The following ZNF277 variants were observed in gnomAD, a reference collection of about 807,000 sequenced individuals.
ZNF277 encodes the protein zinc finger protein 277.
A neutral mutation model predicts 60.7 loss-of-function variants in ZNF277; 55 were observed. The observed-to-expected ratio is 0.91, with a 90% CI of 0.73 to 1.13. ZNF277 has a LOEUF of 1.13. Among genes scored for constraint, ZNF277 ranks in the 50% most tolerant of loss-of-function variants. The pLI is 0.00. For missense variants in ZNF277, 510 were observed against 523.0 expected (o/e 0.98, Z 0.24); for synonymous variants, 178 against 179.3 (o/e 0.99, Z 0.06).
intron 1 of ZNF277, among the ~76,000 whole-genome samples, chr7:112,239,566 G>A (rs747835252): frequency 5.9e-5 from 9 of 152,198 alleles, no homozygotes; most frequent in Non-Finnish European, 1.3e-4. Context: ...GAAAGGTAAG[G>A]AAAGAGAACA....
intron 2 of ZNF277, chr7:112,287,366 C>A: frequency 3.3e-6 from 1 of 306,272 alleles, no homozygotes; most frequent in South Asian, 8.4e-5. Context: ...CAGAATGAGA[C>A]CCTGTCTCTT....
intron 1 of ZNF277, among the ~76,000 whole-genome samples, chr7:112,262,002 C>T (rs547597859): frequency 6.6e-6 from 1 of 151,950 alleles, no homozygotes; most frequent in Non-Finnish European, 1.5e-5. Context: ...AACATTGATT[C>T]TTCTGTTCAG....
intron 5 of ZNF277, among the ~76,000 whole-genome samples, chr7:112,325,256 C>T (rs1793068928): frequency 6.6e-6 from 1 of 152,164 alleles, no homozygotes; most frequent in African/African-American, 2.4e-5. Context: ...CTAGGCCACT[C>T]CTAGGGGAAC....
chr7:112,247,635 A>G (rs1451554323), intron 1 of ZNF277, among the ~76,000 whole-genome samples: 1 of 152,062 alleles, frequency 6.6e-6, no homozygotes, highest in African/African-American at 2.4e-5. Context: ...TGTTTTTTTA[A>G]TTTATTATAA....
At chr7:112,309,052 C>A (rs1433155432) in intron 4 of ZNF277, among the ~76,000 whole-genome samples, 1 of 151,946 alleles carries the variant, frequency 6.6e-6, no homozygotes, top group Non-Finnish European at 1.5e-5. Context: ...AGAGAGGGTA[C>A]CTTTTGAATG....
At position 112,315,105 on chromosome 7, in the gene ZNF277, A is replaced by T. The variant is rs114923188; in HGVS notation, c.466-3077A>T. 9.2e-3 allele frequency among the ~76,000 whole-genome samples: 1,397 copies of T among 152,154 alleles called. 14 individuals carry two copies. The highest frequency in any genetic ancestry group is 0.032 in the African/African-American group (1,310 of 41,514). ...AAATCCATCCATCTGGTATCTGGTA[A>T]GCTCAGTAGATCCAAATTGAAGAGA... On this transcript the variant is annotated intron_variant, in intron 4 of 11. Transcript: ENST00000361822.
At chr7:112,214,390 T>C (rs1437528732) in intron 1 of ZNF277, among the ~76,000 whole-genome samples, 1 of 152,240 alleles carries the variant, frequency 6.6e-6, no homozygotes, top group Non-Finnish European at 1.5e-5. Context: ...TTTGATAAAC[T>C]TATCAGACTC....
At chr7:112,266,384 C>T (rs1791551261) in intron 1 of ZNF277, among the ~76,000 whole-genome samples, 1 of 152,044 alleles carries the variant, frequency 6.6e-6, no homozygotes, top group African/African-American at 2.4e-5. Flanking sequence ...TGGCCTCAAG[C>T]AATCCATCCT....
At position 112,318,231 on chromosome 7, in the gene ZNF277, A is replaced by C. The variant is rs1184444151; in HGVS notation, c.515A>C (p.His172Pro). 5.0e-6 allele frequency: 8 copies of C among 1,613,610 alleles called. No homozygotes were observed. In the East Asian group the frequency reaches 1.8e-4, roughly 36 times the overall value. ...CAAGAACGAAATGATACCAATTTTC[A>C]TGGCGTTTGTATGTTTTGCAATGAA... Reference protein sequence around the residue: ...QQQERNDTNFHGVCMFCNEEF... With the variant: ...QQQERNDTNFPGVCMFCNEEF... The change falls in exon 5 of 12, where the codon CAT becomes CCT. Residue 172 changes from histidine (H) to proline (P), a missense_variant. His to Pro is a moderately conservative substitution (Grantham distance 77, BLOSUM62 -2). Coordinates refer to ENST00000361822, the MANE Select transcript of ZNF277 (RefSeq NM_021994.3).
chr7:112,334,674 T>C (rs942398617), intron 7 of ZNF277, among the ~76,000 whole-genome samples: 1 of 152,208 alleles, frequency 6.6e-6, no homozygotes, highest in Non-Finnish European at 1.5e-5. Context: ...AAAGATATTT[T>C]TTGTACTTTT....
intron 5 of ZNF277, among the ~76,000 whole-genome samples, chr7:112,320,756 C>A (rs983959500): frequency 6.6e-6 from 1 of 151,788 alleles, no homozygotes; most frequent in African/African-American, 2.4e-5. Flanking sequence ...GTACTTAATT[C>A]GTGTTTAATG....
intron 1 of ZNF277, among the ~76,000 whole-genome samples, chr7:112,220,866 T>C (rs1822009162): frequency 6.6e-6 from 1 of 152,078 alleles, no homozygotes; most frequent in Non-Finnish European, 1.5e-5. Flanking sequence ...GGAGGGACAA[T>C]TGTCAGGATA....
intron 5 of ZNF277, among the ~76,000 whole-genome samples, chr7:112,326,641 TAAAAA>T (rs72193139): frequency 4.1e-5 from 6 of 145,136 alleles, no homozygotes; most frequent in Non-Finnish European, 3.0e-5. Context: ...CTTACATAGT[TAAAAA>T]AAAAAAAAGT....
intron 1 of ZNF277, among the ~76,000 whole-genome samples, chr7:112,225,563 T>C (rs961721324): frequency 7.9e-5 from 12 of 152,332 alleles, no homozygotes; most frequent in African/African-American, 2.6e-4. Flanking sequence ...TCAGTAGTTA[T>C]AGTTGTTTCT....
chr7:112,329,955 G>A lies in ZNF277; in HGVS notation c.669-129G>A. 2.9e-6 allele frequency: 3 copies of A among 1,035,808 alleles called. No individual in the cohort carries two copies. In the South Asian group the frequency reaches 5.3e-5, roughly 18 times the overall value. 64.2% of individuals were successfully genotyped at this position (1,035,808 alleles called of 1,614,324 possible). A position where few individuals can be genotyped will look rare whatever the true frequency, so the allele number is the denominator to read the frequency against. ...ATAAAGTGAGGGGGGATTCTGACAA[G>A]GATGGTATATCCCATTTGAAGATGC... On this transcript the variant is annotated intron_variant, in intron 6 of 11. Transcript: ENST00000361822.
chr7:112,274,006 T>G (rs1256687990), intron 1 of ZNF277, among the ~76,000 whole-genome samples: 5 of 151,306 alleles, frequency 3.3e-5, no homozygotes, highest in African/African-American at 4.9e-5. Flanking sequence ...AATCGAGTCT[T>G]GCTTTATAGC....
intron 7 of ZNF277, among the ~76,000 whole-genome samples, chr7:112,331,575 T>C (rs1793230214): frequency 1.3e-5 from 2 of 152,234 alleles, no homozygotes; most frequent in South Asian, 4.1e-4. Flanking sequence ...GTTCTAACTA[T>C]TCCTTGTAGT....
chr7:112,272,492 G>A (rs940297827), intron 1 of ZNF277, among the ~76,000 whole-genome samples: 3 of 152,006 alleles, frequency 2.0e-5, no homozygotes, highest in African/African-American at 7.2e-5. Context: ...TTGTTTGTTT[G>A]TTTCTTTGTT....
At chr7:112,282,013 A>G (rs552860560) in intron 1 of ZNF277, among the ~76,000 whole-genome samples, 1 of 152,118 alleles carries the variant, frequency 6.6e-6, no homozygotes, top group East Asian at 1.9e-4. Flanking sequence ...TTGTATTTTC[A>G]GTAGAGACGG....
Sources: allele counts gnomAD v4.1 joint callset (sites outside exome capture counted in the v4.1 genomes callset), GRCh38; gene constraint gnomAD v4.1.1; transcripts MANE v1.5; gene names NCBI Gene and HGNC (gene_info 2026-07-23, HGNC 2026-07-21).